The following AKNAD1 variants were observed in gnomAD, a reference collection of about 807,000 sequenced individuals.
AKNAD1 encodes protein AKNAD1.
Under a neutral mutation model 90.8 loss-of-function variants are expected in AKNAD1, and 67 were observed. The ratio of observed to expected loss-of-function variants is 0.74; its 90% CI spans 0.61 to 0.90. The LOEUF is 0.90. AKNAD1 is among the 40% of genes least tolerant of loss of function. The pLI, the probability that AKNAD1 is intolerant of heterozygous loss-of-function variation, is 0.00. For missense variants in AKNAD1, 957 were observed against 975.4 expected, an observed-to-expected ratio of 0.98 and a Z score of 0.25; for synonymous variants, 327 against 341.4, an observed-to-expected ratio of 0.96 and a Z score of 0.46.
chr1:108,837,298 G>A (rs1054633981), intron 7 of AKNAD1: 23 of 361,816 alleles, frequency 6.4e-5, no homozygotes, highest in East Asian at 5.2e-4. Context: ...ATAGCTCTTC[G>A]GTGGTTTAAT....
At chr1:108,823,027 G>A (rs1203497222) in intron 13 of AKNAD1, 1 of 612,520 alleles carries the variant, frequency 1.6e-6, no homozygotes, top group Non-Finnish European at 2.9e-6. Context: ...TAAAGCATTA[G>A]CCACCTCTGA....
chr1:108,843,275 G>T lies in AKNAD1; in HGVS notation c.1246-8C>A. 1 of 1,612,802 alleles carries T rather than the reference G, an allele frequency of 6.2e-7. No homozygotes were observed. Among genetic ancestry groups the T allele is most frequent in the Non-Finnish European group, 8.5e-7 (1 of 1,179,648 alleles). ...CTGCAGTTTCTCCAGGACCTGCAGC[G>T]GTGAAGTCACTGGAATCATTCACAT... On this transcript the variant is annotated splice_polypyrimidine_tract_variant and splice_region_variant and intron_variant, in intron 5 of 15. Coordinates refer to ENST00000370001, the MANE Select transcript of AKNAD1 (RefSeq NM_152763.5).
Position 108,830,616 on chromosome 1 carries a change from C to T in AKNAD1, c.1781G>A (p.Cys594Tyr). ...CGGACTGGGTGCCGTCATCTCTGCA[C>T]AATCCTGCCTTCTTGGAGTGCCGTT... ...DPNGTPRRQD[C>Y]AEMTAPSPSC... Residue 594 changes from cysteine (C) to tyrosine (Y), a missense_variant, in exon 10 of 16, where the codon TGT (cysteine) becomes TAT (tyrosine). By Grantham distance (194) the Cys-to-Tyr change is radical. Coordinates refer to ENST00000370001, the MANE Select transcript of AKNAD1 (RefSeq NM_152763.5). 6.2e-7 allele frequency: 1 copy of T among 1,614,160 alleles called. No homozygotes were observed. The highest frequency in any genetic ancestry group is 8.5e-7 in the Non-Finnish European group (1 of 1,180,042).
chr1:108,855,860 C>CA (rs374547909), intron 1 of AKNAD1, among the ~76,000 whole-genome samples: 11,992 of 134,808 alleles, frequency 0.089, 566 homozygotes, highest in Non-Finnish European at 0.11. Flanking sequence ...TTTTTTAGAA[C>CA]AAAAAAAAAC....
intron 6 of AKNAD1, among the ~76,000 whole-genome samples, chr1:108,839,476 A>AAAAAAAGAAAAAAAAAAAAAAG (rs1454635672): frequency 2.0e-5 from 3 of 151,632 alleles, no homozygotes; most frequent in African/African-American, 7.3e-5. Flanking sequence ...CTCAATAAAA[A>AAAAAAAGAAAAAAAAAAAAAAG]AAAAAAGAAA....
At chr1:108,827,104 T>C (rs763079349) in intron 11 of AKNAD1, 101 bp downstream of exon 11, 26 of 788,424 alleles carry the variant, frequency 3.3e-5, no homozygotes, top group Non-Finnish European at 5.4e-5. Flanking sequence ...TGTAGGGAAA[T>C]GCTCTTGGAG....
At chr1:108,822,162 C>T (rs1300380460) in intron 13 of AKNAD1, among the ~76,000 whole-genome samples, 1 of 152,120 alleles carries the variant, frequency 6.6e-6, no homozygotes, top group African/African-American at 2.4e-5. Flanking sequence ...TCACCTGGTC[C>T]GGTTCTAGTC....
intron 5 of AKNAD1, among the ~76,000 whole-genome samples, chr1:108,843,626 T>A: frequency 6.6e-6 from 1 of 152,352 alleles, no homozygotes; most frequent in South Asian, 2.1e-4. Context: ...TCTTATTTAA[T>A]CAACACATCA....
Position 108,856,181 on chromosome 1 carries a change from G to C in AKNAD1, c.-104+748C>G, listed in dbSNP as rs79556660. 1.4e-3 allele frequency among the ~76,000 whole-genome samples: 217 copies of C among 152,072 alleles called. 3 individuals are homozygous for C. The East Asian group carries it at 0.039, about 27-fold the overall frequency. ...GAGTATGTTTAAATGCCTACAGAGA[G>C]AATGGAAGAAGAAGAAAACAAATTC... On this transcript the variant is annotated intron_variant, in intron 1 of 15. Transcript: ENST00000370001.
At chr1:108,830,773 C>T (rs532774240) in intron 9 of AKNAD1, 123 bp from the exon 10 acceptor site, 24 of 828,400 alleles carry the variant, frequency 2.9e-5, no homozygotes, top group African/African-American at 1.7e-4. Flanking sequence ...CAGAGAGACT[C>T]GCCAAACCTC....
chr1:108,817,482 CTTTTTTTTTTTTTAATTTTTTTTTTT>C, intron 14 of AKNAD1: 1 of 100,544 alleles, frequency 9.9e-6, no homozygotes, highest in Non-Finnish European at 1.9e-5. Context: ...GGCCAACTTT[CTTTTTTTTTTTTTAATTTTTTTTTTT>C]TTTTTTTTTT....
chr1:108,835,940 T>C (rs1664374509), intron 7 of AKNAD1, among the ~76,000 whole-genome samples: 1 of 152,190 alleles, frequency 6.6e-6, no homozygotes, highest in African/African-American at 2.4e-5. Context: ...GTTAAGTATA[T>C]GTCTCTCTTA....
In AKNAD1 at chr1:108,837,634, T is replaced by C; in HGVS notation, c.1452A>G (p.Lys484=). 1 of 1,614,174 alleles carries C rather than the reference T, an allele frequency of 6.2e-7. No homozygotes were observed. The highest frequency in any genetic ancestry group is 8.5e-7 in the Non-Finnish European group (1 of 1,180,004). ...EDVKEKMDES[K]YTSAPSLPVS... is the part of the protein sequence containing the mutation. The stretch of plus-strand genomic sequence containing the variant: ...CAGGAAGGGAAGGAGCTGAAGTATA[T>C]TTGCTTTCATCCATTTTCTCTTTAA... Residue 484 remains lysine, a synonymous_variant, in exon 7 of 16, where the codon AAA becomes AAG. Transcript: ENST00000370001.
intron 10 of AKNAD1, among the ~76,000 whole-genome samples, chr1:108,828,258 G>A (rs887986650): frequency 1.3e-5 from 2 of 151,680 alleles, no homozygotes; most frequent in African/African-American, 4.8e-5. Context: ...AAAGGCTGAG[G>A]GAGCACGTGA....
chr1:108,817,292 C>T (rs1438221007), intron 14 of AKNAD1, 115 bp from the exon 15 acceptor site: 7 of 1,316,688 alleles, frequency 5.3e-6, no homozygotes, highest in South Asian at 2.9e-5. Flanking sequence ...TGGGTGGATT[C>T]GTGCACCCGC....
chr1:108,834,357 C>T (rs946365795), intron 9 of AKNAD1, 90 bp downstream of exon 9: 5 of 1,128,260 alleles, frequency 4.4e-6, no homozygotes, highest in Non-Finnish European at 6.4e-6. Flanking sequence ...TTGATTATGC[C>T]AATTTCACAG....
At chr1:108,849,201 C>T (rs1570827059) in intron 3 of AKNAD1, 141 bp from the exon 4 acceptor site, 2 of 795,680 alleles carry the variant, frequency 2.5e-6, no homozygotes, top group Non-Finnish European at 3.7e-6. Context: ...TTTATCTAGG[C>T]CAGGCACAGT....
chr1:108,819,919 CAAAAAA>C (rs71591113), intron 14 of AKNAD1, among the ~76,000 whole-genome samples: 1 of 129,046 alleles, frequency 7.7e-6, no homozygotes, highest in Admixed American at 8.1e-5. Context: ...GAATTAACAG[CAAAAAA>C]AAAAAAAAAA....
chr1:108,823,577 T>G lies in AKNAD1; in HGVS notation c.2048A>C (p.Glu683Ala). 1.2e-6 allele frequency: 2 copies of G among 1,614,192 alleles called. No homozygotes were observed. Among genetic ancestry groups the G allele is most frequent in the Non-Finnish European group, 1.7e-6 (2 of 1,180,018 alleles). Residue 683 changes from glutamate to alanine, a missense_variant, in exon 12 of 16, where the codon GAA becomes GCA. Physicochemically the swap from Glu to Ala is moderately radical, Grantham distance 107. Transcript: ENST00000370001. ...IPTSRRACRK[E>A]PTKEFHYRYN... The stretch of plus-strand genomic sequence containing the variant: ...CAGGTGAGTGTTACCTTTAGTTGGT[T>G]CTTTCCTGCAGGCTCTTCGGGAGGT...
Sources: gnomAD v4.1 joint callset for allele counts (sites outside exome capture counted in the v4.1 genomes callset) on GRCh38, gnomAD v4.1.1 for gene constraint, MANE v1.5 for transcripts, NCBI Gene and HGNC (gene_info 2026-07-23, HGNC 2026-07-21) for gene names.